Variants in DDX31 observed in about 807,000 individuals in gnomAD.
The protein encoded by DDX31 is DEAD-box helicase 31, also known as ATP-dependent DNA helicase DDX31.
A neutral mutation model predicts 91.3 loss-of-function variants in DDX31; 70 were observed. That is an observed-to-expected ratio of 0.77 (90% CI 0.63 to 0.94). The LOEUF is 0.94. Among genes scored for constraint, DDX31 ranks in the 40% least tolerant of loss-of-function variants. DDX31 has a pLI of 0.00. For missense variants in DDX31, 902 were observed against 925.0 expected (o/e 0.98, Z 0.32); for synonymous variants, 362 against 350.6 (o/e 1.03, Z -0.36).
At chr9:132,618,005 A>G (rs979828177) in intron 18 of DDX31, among the ~76,000 whole-genome samples, 2 of 152,168 alleles carry the variant, frequency 1.3e-5, no homozygotes, top group African/African-American at 4.8e-5. Context: ...AACGTGTCAC[A>G]TGTCTTCTAT....
chr9:132,646,717 GA>G (rs1305466821), intron 12 of DDX31, 105 bp downstream of exon 12: 30 of 1,086,044 alleles, frequency 2.8e-5, no homozygotes, highest in Middle Eastern at 3.0e-4. Context: ...ACATAAGTTG[GA>G]AAACCTCTGA....
intron 19 of DDX31, among the ~76,000 whole-genome samples, chr9:132,607,799 G>C (rs1247813863): frequency 6.6e-6 from 1 of 152,192 alleles, no homozygotes; most frequent in Non-Finnish European, 1.5e-5. Context: ...AAAGCACTGG[G>C]ATTATAGGTG....
chr9:132,665,660 C>T (rs1835257623), intron 1 of DDX31, among the ~76,000 whole-genome samples: 1 of 152,182 alleles, frequency 6.6e-6, no homozygotes, highest in African/African-American at 2.4e-5. Context: ...TCTGTTGCCG[C>T]ACCTGTAAAA....
intron 19 of DDX31, among the ~76,000 whole-genome samples, chr9:132,597,913 G>A (rs538865907): frequency 2.0e-5 from 3 of 152,348 alleles, no homozygotes; most frequent in East Asian, 1.9e-4. Flanking sequence ...AGAGGACGCC[G>A]TTCGAAAGCA....
chr9:132,654,041 T>C (rs1834397051), intron 6 of DDX31, among the ~76,000 whole-genome samples: 1 of 152,126 alleles, frequency 6.6e-6, no homozygotes, highest in African/African-American at 2.4e-5. Flanking sequence ...AAGAAAAAGA[T>C]GGTTTAATTC....
At chr9:132,653,486 C>A in intron 6 of DDX31, among the ~76,000 whole-genome samples, 2 of 10,058 alleles carry the variant, frequency 2.0e-4, no homozygotes, top group East Asian at 2.8e-3. Flanking sequence ...AAGTGAAAAA[C>A]TCAGTCTCAA....
At chr9:132,605,123 A>G (rs954748846) in intron 19 of DDX31, among the ~76,000 whole-genome samples, 6 of 152,168 alleles carry the variant, frequency 3.9e-5, no homozygotes, top group Non-Finnish European at 8.8e-5. Flanking sequence ...TCACTACACA[A>G]TAAAAAGGGA....
chr9:132,642,477 T>G (rs1215417753), intron 13 of DDX31, among the ~76,000 whole-genome samples: 2 of 152,142 alleles, frequency 1.3e-5, no homozygotes, highest in Non-Finnish European at 2.9e-5. Context: ...TTTTAAAAGA[T>G]TAGATATTTA....
intron 18 of DDX31, among the ~76,000 whole-genome samples, chr9:132,614,646 A>G (rs1055287466): frequency 6.6e-6 from 1 of 152,074 alleles, no homozygotes; most frequent in Admixed American, 6.5e-5. Flanking sequence ...CTGGGCTTCC[A>G]CCCTGGTCAC....
chr9:132,618,430 A>G lies in DDX31; in HGVS notation c.1725T>C (p.Ala575=), dbSNP rs752169954. Residue 575 remains alanine, a synonymous_variant, in exon 18 of 20, where the codon GCT becomes GCC. Transcript: ENST00000372159. ...GKRWGAQKSH[A]VGPQEIRERA... is the part of the protein sequence containing the mutation. The stretch of plus-strand genomic sequence containing the variant: ...GCTCTCGGATTTCCTGGGGGCCAAC[A>G]GCATGGGATTTCTGAGAGGGCGACG... 1.7e-5 allele frequency: 27 copies of G among 1,610,928 alleles called. No homozygotes were observed. The highest frequency in any genetic ancestry group is 2.2e-5 in the Non-Finnish European group (26 of 1,178,766).
At position 132,612,074 on chromosome 9, in the gene DDX31, C is replaced by T; in HGVS notation, c.1994+13G>A. On this transcript the variant is annotated intron_variant, in intron 19 of 19. Coordinates refer to ENST00000372159, the MANE Select transcript of DDX31 (RefSeq NM_022779.9). ...CTCTAGCCCCGTCACGGGACGAATT[C>T]AGCTCATCTTACCTTTTCACGTGTG... 1 of 1,610,262 alleles carries T rather than the reference C, an allele frequency of 6.2e-7. No individual in the cohort carries two copies. Among genetic ancestry groups the T allele is most frequent in the Non-Finnish European group, 8.5e-7 (1 of 1,176,916 alleles).
intron 6 of DDX31, among the ~76,000 whole-genome samples, chr9:132,655,164 T>C (rs984793408): frequency 3.9e-5 from 6 of 152,136 alleles, no homozygotes; most frequent in African/African-American, 1.4e-4. Context: ...TTGTAGAATA[T>C]TTTACAGACT....
intron 19 of DDX31, among the ~76,000 whole-genome samples, chr9:132,608,801 A>C (rs758586008): frequency 6.6e-6 from 1 of 152,136 alleles, no homozygotes; most frequent in Non-Finnish European, 1.5e-5. Context: ...CCACAGCATA[A>C]CTCAAGCACT....
rs185912321 is a variant in DDX31 at position 132,664,457 on chromosome 9, C to T, written c.76-1762G>A. Among the ~76,000 whole-genome samples, 135 of 152,152 alleles carry T rather than the reference C, an allele frequency of 8.9e-4. 1 individual carries two copies. The highest frequency in any genetic ancestry group is 9.7e-4 in the East Asian group (5 of 5,162). On this transcript the variant is annotated intron_variant, in intron 1 of 19. Coordinates refer to ENST00000372159, the MANE Select transcript of DDX31 (RefSeq NM_022779.9). ...GGTGCCATGGATCATGCCTGTAATCCCAGCACTTTGTGAGGCTGAGGTGAG... is the reference window on the plus strand; with the variant it reads ...GGTGCCATGGATCATGCCTGTAATCTCAGCACTTTGTGAGGCTGAGGTGAG...
At chr9:132,638,347 T>C in intron 14 of DDX31, 1 of 1,614,198 alleles carries the variant, frequency 6.2e-7, no homozygotes, top group Non-Finnish European at 8.5e-7. Context: ...TTCCTCTGGC[T>C]TAGGGTGAGT....
intron 17 of DDX31, among the ~76,000 whole-genome samples, chr9:132,625,323 G>A (rs1230443714): frequency 2.0e-5 from 3 of 152,014 alleles, no homozygotes; most frequent in East Asian, 1.9e-4. Flanking sequence ...CTAGGCAGCC[G>A]TCCTTGCTGA....
At chr9:132,623,399 T>C (rs1449675443) in intron 17 of DDX31, among the ~76,000 whole-genome samples, 1 of 149,732 alleles carries the variant, frequency 6.7e-6, no homozygotes, top group Non-Finnish European at 1.5e-5. Flanking sequence ...CTACTAAAAA[T>C]ACGAAAATTA....
At chr9:132,663,265 A>G in intron 1 of DDX31, 1 of 1,289,154 alleles carries the variant, frequency 7.8e-7, no homozygotes, top group Non-Finnish European at 1.0e-6. Flanking sequence ...TCTCCTCTCA[A>G]GCTGCTCCTC....
chr9:132,668,979 T>C (rs574556502), intron 1 of DDX31, among the ~76,000 whole-genome samples: 78 of 149,774 alleles, frequency 5.2e-4, no homozygotes, highest in Non-Finnish European at 9.5e-4. Context: ...TTCCAGGCTA[T>C]AGGTAAATTT....
Sources: gnomAD v4.1 joint callset for allele counts (sites outside exome capture counted in the v4.1 genomes callset) on GRCh38, gnomAD v4.1.1 for gene constraint, MANE v1.5 for transcripts, NCBI Gene and HGNC (gene_info 2026-07-23, HGNC 2026-07-21) for gene names.